The following PRIM2 variants were observed in gnomAD, a reference collection of about 807,000 sequenced individuals.
PRIM2 encodes DNA primase large subunit.
PRIM2 carries 39 observed loss-of-function variants against 67.3 expected under a neutral mutation model. The ratio of observed to expected loss-of-function variants is 0.58; its 90% CI spans 0.45 to 0.76. PRIM2 has a LOEUF of 0.76. PRIM2 is among the 30% of genes least tolerant of loss of function. The pLI is 0.00. For synonymous variants in PRIM2, 143 were observed against 198.7 expected (o/e 0.72, Z 2.36); for missense variants, 398 against 598.7 (o/e 0.66, Z 3.50).
the PRIM2 span, among the ~76,000 whole-genome samples, chr6:57,269,491 T>C: frequency 2.0e-5 from 3 of 152,354 alleles, no homozygotes; most frequent in Admixed American, 6.5e-5. Context: ...GTTTTTTTCT[T>C]GTAAATTTGT....
At chr6:57,399,707 T>C (rs190630541) in intron 7 of PRIM2, among the ~76,000 whole-genome samples, 3 of 152,112 alleles carry the variant, frequency 2.0e-5, no homozygotes, top group Non-Finnish European at 2.9e-5. Flanking sequence ...CACCTGTTGT[T>C]TCCTGACTTT....
intron 5 of PRIM2, among the ~76,000 whole-genome samples, chr6:57,335,311 G>A (rs1237947916): frequency 6.6e-6 from 1 of 152,290 alleles, no homozygotes; most frequent in Non-Finnish European, 1.5e-5. Flanking sequence ...GCCCAGGCTT[G>A]CTTAGGTAAA....
At chr6:57,378,346 G>A (rs12201524) in intron 5 of PRIM2, among the ~76,000 whole-genome samples, 2 of 151,488 alleles carry the variant, frequency 1.3e-5, no homozygotes, top group East Asian at 1.9e-4. Flanking sequence ...GATTATAGAC[G>A]TGAGCCACCG....
chr6:57,297,390 C>A, the PRIM2 span, among the ~76,000 whole-genome samples: 2 of 151,884 alleles, frequency 1.3e-5, no homozygotes, highest in African/African-American at 4.8e-5. Flanking sequence ...TGCAGTGAGC[C>A]GAGATCAAGA....
chr6:57,573,700 G>A (rs1775907263), intron 10 of PRIM2, among the ~76,000 whole-genome samples: 1 of 152,164 alleles, frequency 6.6e-6, no homozygotes, highest in Non-Finnish European at 1.5e-5. Context: ...CAGGTAAAAT[G>A]ATAAGCAATT....
At chr6:57,645,475 G>T (rs1777319887) in intron 13 of PRIM2, among the ~76,000 whole-genome samples, 1 of 151,112 alleles carries the variant, frequency 6.6e-6, no homozygotes, top group Non-Finnish European at 1.5e-5. Flanking sequence ...TGAGGGCTTG[G>T]TGTAGATGGG....
At chr6:57,341,298 G>C (rs982776119) in intron 5 of PRIM2, among the ~76,000 whole-genome samples, 3 of 152,154 alleles carry the variant, frequency 2.0e-5, no homozygotes, top group African/African-American at 7.2e-5. Flanking sequence ...ATAGAGTATA[G>C]AAAACATTAT....
chr6:57,230,283 A>G, the PRIM2 span, among the ~76,000 whole-genome samples: 1 of 151,986 alleles, frequency 6.6e-6, no homozygotes, highest in African/African-American at 2.4e-5. Flanking sequence ...CCTTGTTTTT[A>G]TGTCTGTGTC....
At chr6:57,482,232 G>A (rs1403287951) in intron 7 of PRIM2, among the ~76,000 whole-genome samples, 69 of 152,082 alleles carry the variant, frequency 4.5e-4, no homozygotes, top group African/African-American at 1.6e-3. Context: ...AGTGCAGATA[G>A]GTTGTTTAAA....
chr6:57,489,488 C>T (rs1184573142), intron 7 of PRIM2, among the ~76,000 whole-genome samples: 70 of 151,910 alleles, frequency 4.6e-4, no homozygotes, highest in Non-Finnish European at 7.9e-4. Context: ...ACCCGGGAGG[C>T]GGAGCTTGCA....
At chr6:57,545,746 T>C (rs1171105525) in intron 10 of PRIM2, among the ~76,000 whole-genome samples, 1 of 152,170 alleles carries the variant, frequency 6.6e-6, no homozygotes, top group Non-Finnish European at 1.5e-5. Flanking sequence ...TCCAAGACCT[T>C]ATTCACGAGA....
chr6:57,235,481 A>C, the PRIM2 span, among the ~76,000 whole-genome samples: 11 of 152,234 alleles, frequency 7.2e-5, no homozygotes, highest in African/African-American at 2.4e-4. Flanking sequence ...AAAAAAATGA[A>C]AAAAATGCTT....
intron 13 of PRIM2, among the ~76,000 whole-genome samples, chr6:57,644,334 C>T (rs1777296648): frequency 1.3e-5 from 2 of 152,034 alleles, no homozygotes; most frequent in African/African-American, 4.8e-5. Context: ...TCACCCTCTC[C>T]ATCTTTCCAG....
intron 7 of PRIM2, among the ~76,000 whole-genome samples, chr6:57,453,022 G>C (rs1581918917): frequency 1.3e-5 from 2 of 152,182 alleles, no homozygotes; most frequent in East Asian, 3.9e-4. Context: ...AGTTTTCCCA[G>C]CACCATTTAT....
intron 11 of PRIM2, among the ~76,000 whole-genome samples, chr6:57,604,732 C>T (rs2127492471): frequency 6.6e-6 from 1 of 151,506 alleles, no homozygotes; most frequent in Non-Finnish European, 1.5e-5. Context: ...ACTCTGTTTC[C>T]CAGGCTGGAA....
chr6:57,293,919 A>C, the PRIM2 span, among the ~76,000 whole-genome samples: 1 of 152,160 alleles, frequency 6.6e-6, no homozygotes, highest in Non-Finnish European at 1.5e-5. Context: ...TACCTATTTA[A>C]CAAACCTGCA....
the PRIM2 span, among the ~76,000 whole-genome samples, chr6:57,242,398 A>C: frequency 1.3e-5 from 2 of 152,150 alleles, no homozygotes; most frequent in Non-Finnish European, 2.9e-5. Context: ...ATCTACTAAC[A>C]ATGTTTTGTG....
At chr6:57,495,376 A>G (rs1581952895) in intron 7 of PRIM2, among the ~76,000 whole-genome samples, 1 of 152,262 alleles carries the variant, frequency 6.6e-6, no homozygotes, top group Admixed American at 6.5e-5. Flanking sequence ...CAAAGGCAAG[A>G]TATCTATCAA....
chr6:57,257,110 T>C, the PRIM2 span, among the ~76,000 whole-genome samples: 2 of 152,152 alleles, frequency 1.3e-5, no homozygotes, highest in Admixed American at 6.5e-5. Context: ...AAGAAACAAC[T>C]GGTGTATCTT....
Sources: gnomAD v4.1 joint callset for allele counts (sites outside exome capture counted in the v4.1 genomes callset) on GRCh38, gnomAD v4.1.1 for gene constraint, MANE v1.5 for transcripts, NCBI Gene and HGNC (gene_info 2026-07-23, HGNC 2026-07-21) for gene names.